Variants in FTO observed in about 807,000 individuals in gnomAD.
The protein encoded by FTO is FTO alpha-ketoglutarate dependent dioxygenase, also known as alpha-ketoglutarate-dependent dioxygenase FTO.
A neutral mutation model predicts 63.9 loss-of-function variants in FTO; 47 were observed. That is an observed-to-expected ratio of 0.74 (90% CI 0.58 to 0.94). The LOEUF is 0.94. FTO is among the 40% of genes least tolerant of loss of function. The probability of loss-of-function intolerance (pLI) is 0.00; values close to 1 mark genes in which losing one functional copy is unlikely to be tolerated. For synonymous variants in FTO, 207 were observed against 224.4 expected (o/e 0.92, Z 0.69); for missense variants, 562 against 618.1 (o/e 0.91, Z 0.96).
At chr16:53,857,468 T>C (rs201443009) in intron 4 of FTO, among the ~76,000 whole-genome samples, 10 of 124,868 alleles carry the variant, frequency 8.0e-5, no homozygotes, top group East Asian at 4.8e-4. Context: ...CTCTCTCTCT[T>C]TCTATATATA....
At position 53,810,191 on chromosome 16, in the gene FTO, C is replaced by A. The variant is rs1292607982; in HGVS notation, c.97C>A (p.Pro33Thr). Reference sequence around the variant, plus strand: ...AGACACTTGGCTCCCTTATCTGACCCCCAAAGATGATGAATTCTATCAGCA... The same window carrying A: ...AGACACTTGGCTCCCTTATCTGACCACCAAAGATGATGAATTCTATCAGCA... ...LEDTWLPYLT[P>T]KDDEFYQQWQ... The change falls in exon 2 of 9, where the codon CCC (proline) becomes ACC (threonine). Residue 33 changes from proline (P) to threonine (T), a missense_variant. Pro to Thr is a conservative substitution (Grantham distance 38, BLOSUM62 -1). Transcript: ENST00000471389. 1 of 1,609,888 alleles carries A rather than the reference C, an allele frequency of 6.2e-7. No homozygotes were observed. Among genetic ancestry groups the A allele is most frequent in the East Asian group, 2.2e-5 (1 of 44,818 alleles).
At chr16:53,911,730 A>G (rs2081713170) in intron 7 of FTO, among the ~76,000 whole-genome samples, 1 of 152,258 alleles carries the variant, frequency 6.6e-6, no homozygotes, top group Non-Finnish European at 1.5e-5. Flanking sequence ...ATACAGGCTA[A>G]CCTAAAGCCT....
At chr16:53,785,477 T>C (rs780278261) in intron 1 of FTO, among the ~76,000 whole-genome samples, 9 of 151,938 alleles carry the variant, frequency 5.9e-5, no homozygotes, top group African/African-American at 9.7e-5. Context: ...ATGGCAGGGA[T>C]TGGGCCATTT....
At chr16:54,022,249 T>C (rs2084620057) in intron 8 of FTO, among the ~76,000 whole-genome samples, 1 of 152,222 alleles carries the variant, frequency 6.6e-6, no homozygotes. Flanking sequence ...GAGCGGCTCG[T>C]AGTCCATATG....
intron 8 of FTO, among the ~76,000 whole-genome samples, chr16:54,026,015 GA>G (rs35029210): frequency 4.0e-5 from 6 of 151,326 alleles, no homozygotes; most frequent in African/African-American, 7.3e-5. Context: ...CTGGCTCAAA[GA>G]AAAAAAAATT....
intron 4 of FTO, among the ~76,000 whole-genome samples, chr16:53,871,145 T>C (rs1398893742): frequency 6.6e-6 from 1 of 152,204 alleles, no homozygotes; most frequent in Non-Finnish European, 1.5e-5. Context: ...TAGTCTTATA[T>C]CTTTTTTTGC....
At chr16:54,054,117 A>C (rs1286521630) in intron 8 of FTO, among the ~76,000 whole-genome samples, 1 of 152,036 alleles carries the variant, frequency 6.6e-6, no homozygotes, top group African/African-American at 2.4e-5. Flanking sequence ...AGCACTGTGT[A>C]ATGAGTTTTC....
chr16:54,050,285 C>T (rs575805296), intron 8 of FTO, among the ~76,000 whole-genome samples: 3 of 152,246 alleles, frequency 2.0e-5, no homozygotes, highest in South Asian at 2.1e-4. Context: ...GAATATGAAG[C>T]GGTCATATTC....
At chr16:53,743,758 A>G (rs954157750) in intron 1 of FTO, among the ~76,000 whole-genome samples, 1 of 151,754 alleles carries the variant, frequency 6.6e-6, no homozygotes, top group Admixed American at 6.6e-5. Flanking sequence ...ATTATCTCCT[A>G]TAATCCTCAT....
chr16:53,747,304 C>T (rs2076672801), intron 1 of FTO, among the ~76,000 whole-genome samples: 3 of 152,128 alleles, frequency 2.0e-5, no homozygotes, highest in African/African-American at 7.2e-5. Context: ...TTCACATTCC[C>T]ACCAACAGAT....
intron 7 of FTO, among the ~76,000 whole-genome samples, chr16:53,926,423 A>C (rs1043206602): frequency 6.6e-6 from 1 of 152,244 alleles, no homozygotes; most frequent in African/African-American, 2.4e-5. Context: ...AGTATCCATC[A>C]GGAGTCCACT....
At chr16:53,710,550 A>G (rs1254843108) in intron 1 of FTO, among the ~76,000 whole-genome samples, 1 of 152,122 alleles carries the variant, frequency 6.6e-6, no homozygotes, top group Non-Finnish European at 1.5e-5. Context: ...GGCGTGAGCC[A>G]CCGTGCGCAG....
chr16:53,838,028 C>T (rs2079353802), intron 3 of FTO, among the ~76,000 whole-genome samples: 1 of 152,192 alleles, frequency 6.6e-6, no homozygotes, highest in African/African-American at 2.4e-5. Flanking sequence ...TATACACACA[C>T]CATGCCATTT....
At chr16:53,844,386 T>G in intron 4 of FTO, 88 bp downstream of exon 4, 1 of 1,098,058 alleles carries the variant, frequency 9.1e-7, no homozygotes, top group Non-Finnish European at 1.4e-6. Flanking sequence ...TCTTATGAAA[T>G]AAACTTTTGG....
intron 1 of FTO, among the ~76,000 whole-genome samples, chr16:53,759,693 C>CAAAAA (rs758376530): frequency 7.0e-5 from 2 of 28,504 alleles, no homozygotes; most frequent in Non-Finnish European, 1.3e-4. Context: ...GACTCCTTCT[C>CAAAAA]AAAAAAAAAA....
intron 2 of FTO, among the ~76,000 whole-genome samples, chr16:53,816,500 C>A (rs193124255): frequency 3.7e-4 from 3 of 8,174 alleles, no homozygotes; most frequent in Non-Finnish European, 8.0e-4. Flanking sequence ...CCACTCCCCA[C>A]CCCCCCTCAC....
rs569130915 is a variant in FTO at position 53,755,386 on chromosome 16, A to G, written c.45+51157A>G. Among the ~76,000 whole-genome samples the G allele has an allele frequency of 5.3e-5, 8 of 152,228 alleles. No individual in the cohort carries two copies. The South Asian group carries it at 1.7e-3, about 32-fold the overall frequency. On this transcript the variant is annotated intron_variant, in intron 1 of 8. Transcript: ENST00000471389. Reference sequence around the variant, plus strand: ...CCTAGGACTCTCCCTCCTGAGGGAGAAAGAACATGAGGATATTCAGCTGTC... The same window carrying G: ...CCTAGGACTCTCCCTCCTGAGGGAGGAAGAACATGAGGATATTCAGCTGTC...
chr16:54,055,176 A>G (rs2085402946), intron 8 of FTO, among the ~76,000 whole-genome samples: 1 of 152,206 alleles, frequency 6.6e-6, no homozygotes, highest in Non-Finnish European at 1.5e-5. Context: ...ACTGGGTGGA[A>G]CTGGTGCTCT....
At chr16:53,979,281 G>A (rs181506352) in intron 8 of FTO, 286 of 396,684 alleles carry the variant, frequency 7.2e-4, no homozygotes, top group Non-Finnish European at 1.1e-3. Context: ...AAAGGAGAGT[G>A]TACATTGTAA....
Sources: allele counts gnomAD v4.1 joint callset (sites outside exome capture counted in the v4.1 genomes callset), GRCh38; gene constraint gnomAD v4.1.1; transcripts MANE v1.5; gene names NCBI Gene and HGNC (gene_info 2026-07-23, HGNC 2026-07-21).